UTRN: variants seen among roughly 807,000 people sequenced by gnomAD.
UTRN encodes the protein dystrophin-related protein 1.
Under a neutral mutation model 463.9 loss-of-function variants are expected in UTRN, and 283 were observed. That is an observed-to-expected ratio of 0.61 (90% CI 0.55 to 0.67). The LOEUF is 0.67. Ranked by LOEUF, UTRN falls within the 30% of genes least tolerant of loss-of-function variation. The pLI is 0.00. For missense variants in UTRN, 3,922 were observed against 4,084.3 expected, an observed-to-expected ratio of 0.96 and a Z score of 1.08; for synonymous variants, 1,442 against 1,431.5, an observed-to-expected ratio of 1.01 and a Z score of -0.17.
intron 30 of UTRN, among the ~76,000 whole-genome samples, chr6:144,489,648 T>C (rs1467595201): frequency 6.6e-6 from 1 of 151,806 alleles, no homozygotes; most frequent in Non-Finnish European, 1.5e-5. Flanking sequence ...TTTAGACGGA[T>C]TCTCACTCTG....
chr6:144,544,303 T>A (rs1415079431), intron 46 of UTRN, among the ~76,000 whole-genome samples: 4 of 152,194 alleles, frequency 2.6e-5, no homozygotes, highest in African/African-American at 4.8e-5. Flanking sequence ...AGTGAACAAT[T>A]TGGTGACATT....
intron 2 of UTRN, among the ~76,000 whole-genome samples, chr6:144,389,211 G>T (rs1237734706): frequency 6.6e-6 from 1 of 152,190 alleles, no homozygotes; most frequent in Non-Finnish European, 1.5e-5. Flanking sequence ...AGAGACAAAT[G>T]GTTGCATTCT....
intron 2 of UTRN, among the ~76,000 whole-genome samples, chr6:144,390,854 T>A (rs1011734627): frequency 6.6e-6 from 1 of 152,182 alleles, no homozygotes; most frequent in Non-Finnish European, 1.5e-5. Flanking sequence ...TCCCCACTCA[T>A]CCCAGGCCAC....
At chr6:144,603,323 A>T (rs1265354352) in intron 51 of UTRN, among the ~76,000 whole-genome samples, 1 of 152,196 alleles carries the variant, frequency 6.6e-6, no homozygotes, top group African/African-American at 2.4e-5. Context: ...TGCTGGATCA[A>T]AGGTTATACA....
At chr6:144,608,445 A>G (rs1476107351) in intron 51 of UTRN, among the ~76,000 whole-genome samples, 2 of 152,190 alleles carry the variant, frequency 1.3e-5, no homozygotes, top group African/African-American at 2.4e-5. Context: ...TTCAACTAAC[A>G]ACTATCATCA....
At chr6:144,635,505 TTTTTTTTTC>T (rs1777029976) in intron 51 of UTRN, among the ~76,000 whole-genome samples, 4 of 60,716 alleles carry the variant, frequency 6.6e-5, no homozygotes, top group Non-Finnish European at 1.3e-4. Flanking sequence ...GCAGCTAGCC[TTTTTTTTTC>T]TTTTTTTTTT....
intron 3 of UTRN, 139 bp downstream of exon 3, chr6:144,403,323 C>T: frequency 2.8e-6 from 2 of 725,162 alleles, no homozygotes; most frequent in South Asian, 3.3e-5. Context: ...ATTTGTTGTT[C>T]CTTTATTCTG....
At chr6:144,449,650 C>T (rs1788055649) in intron 17 of UTRN, among the ~76,000 whole-genome samples, 1 of 152,136 alleles carries the variant, frequency 6.6e-6, no homozygotes, top group African/African-American at 2.4e-5. Flanking sequence ...ATCACAAAAT[C>T]CCTCACATTT....
At chr6:144,430,615 G>A (rs1359571003) in intron 9 of UTRN, among the ~76,000 whole-genome samples, 1 of 152,134 alleles carries the variant, frequency 6.6e-6, no homozygotes, top group African/African-American at 2.4e-5. Flanking sequence ...TCTGCAAAAT[G>A]TGGTTAAAAC....
chr6:144,414,819 G>A (rs1478778204), intron 3 of UTRN, among the ~76,000 whole-genome samples: 4 of 151,604 alleles, frequency 2.6e-5, no homozygotes, highest in East Asian at 1.9e-4. Context: ...AGGTTCAAGC[G>A]ATTCTCCTGC....
At chr6:144,291,630 G>A (rs1804260040) in intron 1 of UTRN, 107 bp from the exon 2 acceptor site, 1 of 398,810 alleles carries the variant, frequency 2.5e-6, no homozygotes, top group South Asian at 5.3e-5. Context: ...TGCTTTACAC[G>A]TGGTAGGCAC....
Position 144,428,837 on chromosome 6 carries a change from A to G in UTRN, c.638A>G (p.His213Arg). The G allele has an allele frequency of 6.2e-7, 1 of 1,612,668 alleles. No homozygotes were observed. The highest frequency in any genetic ancestry group is 8.5e-7 in the Non-Finnish European group (1 of 1,179,572). ...VKMSPIERLE[H>R]AFSKAQTYLG... Reference sequence around the variant, plus strand: ...ATGTCACCAATTGAGAGACTTGAACATGCCTTCAGCAAGGCTCAAACTTAT... The same window carrying G: ...ATGTCACCAATTGAGAGACTTGAACGTGCCTTCAGCAAGGCTCAAACTTAT... Residue 213 changes from histidine to arginine, a missense_variant, in exon 8 of 75, where the codon CAT becomes CGT. Transcript: ENST00000367545.
Position 144,839,238 on chromosome 6 carries a change from C to T in UTRN, c.10131C>T (p.Ser3377=), listed in dbSNP as rs773492041. The change falls in exon 72 of 75, where the codon AGC becomes AGT. Residue 3377 remains serine (S), a synonymous_variant. Coordinates refer to ENST00000367545, the MANE Select transcript of UTRN (RefSeq NM_007124.3). ...PWASPQHSAL[S]YSLDPDASGP... is the part of the protein sequence containing the mutation. ...CTTCTCCTCAGCATTCTGCACTGAGCTACTCGCTTGATCCAGATGCCTCCG... is the reference window on the plus strand; with the variant it reads ...CTTCTCCTCAGCATTCTGCACTGAGTTACTCGCTTGATCCAGATGCCTCCG... 3 of 1,614,062 alleles carry T rather than the reference C, an allele frequency of 1.9e-6. No homozygotes were observed. The highest frequency in any genetic ancestry group is 2.5e-6 in the Non-Finnish European group (3 of 1,179,980).
chr6:144,361,601 T>G (rs1303576877), intron 2 of UTRN, among the ~76,000 whole-genome samples: 1 of 152,056 alleles, frequency 6.6e-6, no homozygotes, highest in African/African-American at 2.4e-5. Context: ...TTTATTTATC[T>G]TTTTTAGAGA....
At chr6:144,603,368 G>A (rs1477358787) in intron 51 of UTRN, among the ~76,000 whole-genome samples, 2 of 152,114 alleles carry the variant, frequency 1.3e-5, no homozygotes, top group Non-Finnish European at 2.9e-5. Context: ...CTGTCCCAAT[G>A]TCTACTCCTA....
intron 58 of UTRN, among the ~76,000 whole-genome samples, chr6:144,763,031 T>C (rs1279367739): frequency 6.6e-6 from 1 of 152,192 alleles, no homozygotes; most frequent in African/African-American, 2.4e-5. Context: ...ATTCTATAGC[T>C]CAGTTTTTCC....
intron 43 of UTRN, among the ~76,000 whole-genome samples, chr6:144,534,631 ATT>A (rs1320444334): frequency 2.0e-5 from 3 of 152,190 alleles, no homozygotes; most frequent in Non-Finnish European, 4.4e-5. Flanking sequence ...ATATTGCTGA[ATT>A]TTGCCAATGA....
At chr6:144,824,602 A>C (rs28679757) in intron 66 of UTRN, among the ~76,000 whole-genome samples, 493 of 37,938 alleles carry the variant, frequency 0.013, 26 homozygotes, top group East Asian at 0.1. Flanking sequence ...ATATATATAT[A>C]TATATATATA....
intron 1 of UTRN, among the ~76,000 whole-genome samples, chr6:144,287,057 C>G (rs1803750965): frequency 6.6e-6 from 1 of 152,146 alleles, no homozygotes; most frequent in Non-Finnish European, 1.5e-5. Flanking sequence ...GCGACCGCAT[C>G]CATTCCTTTG....
Sources: allele counts gnomAD v4.1 joint callset (sites outside exome capture counted in the v4.1 genomes callset), GRCh38; gene constraint gnomAD v4.1.1; transcripts MANE v1.5; gene names NCBI Gene and HGNC (gene_info 2026-07-23, HGNC 2026-07-21).